Variants in NCF4 observed in about 807,000 individuals in gnomAD.
The protein encoded by NCF4 is neutrophil cytosol factor 4.
A neutral mutation model predicts 41.7 loss-of-function variants in NCF4; 30 were observed. The observed-to-expected ratio is 0.72, with a 90% CI of 0.54 to 0.97. The LOEUF (loss-of-function observed/expected upper bound fraction) is 0.97, where lower values mean the gene tolerates loss of function less well. Among genes scored for constraint, NCF4 ranks in the 50% least tolerant of loss-of-function variants. The probability of loss-of-function intolerance (pLI) is 0.00; values close to 1 mark genes in which losing one functional copy is unlikely to be tolerated. For synonymous variants in NCF4, 195 were observed against 175.8 expected (o/e 1.11, Z -0.87); for missense variants, 432 against 460.9 (o/e 0.94, Z 0.57).
chr22:36,864,234 T>A, intron 2 of NCF4, 105 bp downstream of exon 2: 2 of 996,932 alleles, frequency 2.0e-6, no homozygotes, highest in Non-Finnish European at 3.2e-6. Flanking sequence ...TCTGATCTCT[T>A]AACTTCTATC....
rs377510654 is a variant in NCF4 at position 36,865,023 on chromosome 22, G to A, written c.222G>A (p.Gly74=). Reference sequence around the variant, plus strand: ...AGAGCAAGCTGGAGGAGCGCTTCGGGCCAGACAGCAAGAGCAGTGCCCTGG... The same window carrying A: ...AGAGCAAGCTGGAGGAGCGCTTCGGACCAGACAGCAAGAGCAGTGCCCTGG... The part of the protein sequence containing the change: ...ALQSKLEERF[G]PDSKSSALAC... The change falls in exon 3 of 10, where the codon GGG becomes GGA. Residue 74 remains glycine (G), a synonymous_variant. Coordinates refer to ENST00000248899, the MANE Select transcript of NCF4 (RefSeq NM_000631.5). This position sits in a 1 kb window ranked among gnomAD's most constrained non-coding sequence, Gnocchi z 4.3. 20 of 1,613,522 alleles carry A rather than the reference G, an allele frequency of 1.2e-5. No homozygotes were observed. The highest frequency in any genetic ancestry group is 1.5e-5 in the Non-Finnish European group (18 of 1,180,028).
At position 36,875,679 on chromosome 22, in the gene NCF4, C is replaced by A; in HGVS notation, c.654C>A (p.Ile218=). Residue 218 remains isoleucine, a synonymous_variant, in exon 8 of 10, where the codon ATC becomes ATA. Transcript: ENST00000248899. ...GCACTGTCCGGGGAGCCACGGGCAT[C>A]TTCCCTCTCTCCTTCGTGAAGATCC... is the stretch of plus-strand genomic sequence containing the variant. The part of the protein sequence containing the change: ...LEGTVRGATG[I]FPLSFVKILK... 1 of 1,612,790 alleles carries A rather than the reference C, an allele frequency of 6.2e-7. No homozygotes were observed. Among genetic ancestry groups the A allele is most frequent in the African/African-American group, 1.3e-5 (1 of 75,052 alleles).
intron 4 of NCF4, among the ~76,000 whole-genome samples, chr22:36,867,884 C>A (rs1276732304): frequency 1.3e-5 from 2 of 152,346 alleles, no homozygotes; most frequent in Non-Finnish European, 2.9e-5. Context: ...GCCAAGCAGG[C>A]CGCAGGTTGC....
intron 4 of NCF4, 45 bp downstream of exon 4, chr22:36,867,507 T>A: frequency 6.2e-7 from 1 of 1,602,610 alleles, no homozygotes; most frequent in Non-Finnish European, 8.5e-7. Context: ...GGGCATGCAG[T>A]ATTGGTGGGG....
chr22:36,875,527 C>T, intron 7 of NCF4, 126 bp from the exon 8 acceptor site: 2 of 843,586 alleles, frequency 2.4e-6, no homozygotes, highest in Non-Finnish European at 2.0e-6. Flanking sequence ...TTCCCTCCTC[C>T]CTCTACAGAA....
intron 2 of NCF4, 23 bp downstream of exon 2, chr22:36,864,152 C>A (rs1173624141): frequency 6.3e-7 from 1 of 1,583,618 alleles, no homozygotes; most frequent in South Asian, 1.1e-5. Flanking sequence ...CCTAGTCCTT[C>A]ACCCAACAAC....
chr22:36,864,862 CT>C, intron 2 of NCF4, 56 bp from the exon 3 acceptor site: 1 of 1,609,664 alleles, frequency 6.2e-7, no homozygotes. Context: ...CCTTCCACCT[CT>C]TTTTGGCTTG....
At chr22:36,875,508 T>A in intron 7 of NCF4, 145 bp from the exon 8 acceptor site, 1 of 746,366 alleles carries the variant, frequency 1.3e-6, no homozygotes, top group South Asian at 1.5e-5. Flanking sequence ...CTCAGCGAAC[T>A]TCCTCGCTTT....
intron 7 of NCF4, among the ~76,000 whole-genome samples, chr22:36,873,511 T>C (rs1453838835): frequency 6.6e-6 from 1 of 151,614 alleles, no homozygotes; most frequent in African/African-American, 2.4e-5. Context: ...TATCTGAGGA[T>C]AGCCCTGGAG....
intron 4 of NCF4, chr22:36,870,115 A>C: frequency 4.5e-6 from 2 of 440,772 alleles, no homozygotes; most frequent in Middle Eastern, 6.8e-4. Flanking sequence ...CCGCCGGGTC[A>C]TGTTAGTTGT....
rs1939890206 is a variant in NCF4, at chr22:36,864,990, T to C, written c.189T>C (p.His63=). 1 of 1,614,148 alleles carries C rather than the reference T, an allele frequency of 6.2e-7. No homozygotes were observed. Among genetic ancestry groups the C allele is most frequent in the Non-Finnish European group, 8.5e-7 (1 of 1,180,028 alleles). The change falls in exon 3 of 10, where the codon CAT becomes CAC. Residue 63 remains histidine (H), a synonymous_variant. Transcript: ENST00000248899. ...TCTACCGCCGCTACCGCCAGTTCCA[T>C]GCTTTGCAGAGCAAGCTGGAGGAGC... ...YLIYRRYRQF[H]ALQSKLEERF...
At chr22:36,873,752 T>C (rs1303353109) in intron 7 of NCF4, among the ~76,000 whole-genome samples, 4 of 152,158 alleles carry the variant, frequency 2.6e-5, no homozygotes, top group Admixed American at 6.5e-5. Flanking sequence ...TCCTGAGCAT[T>C]GCAGGCTGTT....
At chr22:36,867,554 C>T (rs1939957951) in intron 4 of NCF4, 92 bp downstream of exon 4, 1 of 1,376,100 alleles carries the variant, frequency 7.3e-7, no homozygotes, top group African/African-American at 1.4e-5. Context: ...GCTTTGGGAA[C>T]TGGGGCTGGC....
In NCF4 at chr22:36,867,452, C is replaced by T. The variant is rs1325685024; in HGVS notation, c.332C>T (p.Ala111Val). The T allele has an allele frequency of 6.2e-7, 1 of 1,614,070 alleles. No individual in the cohort carries two copies. The highest frequency in any genetic ancestry group is 1.3e-5 in the African/African-American group (1 of 74,924). Residue 111 changes from alanine to valine, a missense_variant, in exon 4 of 10, where the codon GCC (alanine) becomes GTC (valine). Physicochemically the swap from Ala to Val is moderately conservative, Grantham distance 64. Coordinates refer to ENST00000248899, the MANE Select transcript of NCF4 (RefSeq NM_000631.5). Reference sequence around the variant, plus strand: ...GAGATGCGGATACCTGCCCTCAACGCCTACATGAAGGTACCAGTGGGCCTT... The same window carrying T: ...GAGATGCGGATACCTGCCCTCAACGTCTACATGAAGGTACCAGTGGGCCTT... ...IAEMRIPALN[A>V]YMKSLLSLPV...
At chr22:36,864,422 T>G (rs964620726) in intron 2 of NCF4, among the ~76,000 whole-genome samples, 1 of 152,186 alleles carries the variant, frequency 6.6e-6, no homozygotes. Context: ...GGCCCCAGCA[T>G]AATACTAAGA....
chr22:36,863,683 G>A (rs771328753), intron 1 of NCF4, among the ~76,000 whole-genome samples: 5 of 18,826 alleles, frequency 2.7e-4, no homozygotes, highest in African/African-American at 5.8e-4. Flanking sequence ...GCCTGGTATG[G>A]AGATGTTTGA....
At chr22:36,866,453 T>C (rs1459653467) in intron 3 of NCF4, among the ~76,000 whole-genome samples, 1 of 152,182 alleles carries the variant, frequency 6.6e-6, no homozygotes, top group Middle Eastern at 3.2e-3. Flanking sequence ...ATCAACCTTC[T>C]CTGCTGCTCC....
chr22:36,866,200 A>T (rs552886147), intron 3 of NCF4, among the ~76,000 whole-genome samples: 6 of 150,966 alleles, frequency 4.0e-5, no homozygotes, highest in African/African-American at 1.5e-4. Context: ...GCACTGTCTC[A>T]CCTTGGCATG....
At chr22:36,867,140 T>TGTGTGC (rs1555915559) in intron 3 of NCF4, among the ~76,000 whole-genome samples, 1 of 151,248 alleles carries the variant, frequency 6.6e-6, no homozygotes, top group Admixed American at 6.6e-5. Flanking sequence ...TGTGTGTGTG[T>TGTGTGC]GTGCGCTTGG....
Sources: gnomAD v4.1 joint callset for allele counts (sites outside exome capture counted in the v4.1 genomes callset) on GRCh38, gnomAD v4.1.1 for gene constraint, Gnocchi (gnomAD v3.1) non-coding constraint, MANE v1.5 for transcripts, NCBI Gene and HGNC (gene_info 2026-07-23, HGNC 2026-07-21) for gene names.